MICAL2: variants seen among roughly 807,000 people sequenced by gnomAD.
The protein encoded by MICAL2 is [F-actin]-monooxygenase MICAL2.
Under a neutral mutation model 127.3 loss-of-function variants are expected in MICAL2, and 77 were observed. That is an observed-to-expected ratio of 0.60 (90% CI 0.50 to 0.73). MICAL2 has a LOEUF of 0.73. Ranked by LOEUF, MICAL2 falls within the 30% of genes least tolerant of loss-of-function variation. The pLI, the probability that MICAL2 is intolerant of heterozygous loss-of-function variation, is 0.00. For synonymous variants in MICAL2, 570 were observed against 551.1 expected (o/e 1.03, Z -0.48); for missense variants, 1,351 against 1,434.4 (o/e 0.94, Z 0.94).
chr11:12,264,438 T>G (rs1863521860), downstream of MICAL2, among the ~76,000 whole-genome samples: 1 of 152,150 alleles, frequency 6.6e-6, no homozygotes, highest in Admixed American at 6.5e-5. Context: ...CCCAGGCAAC[T>G]CCAGGCTGTG....
chr11:12,270,641 C>T (rs776473146), intron 24 of MICAL2, among the ~76,000 whole-genome samples: 33 of 152,252 alleles, frequency 2.2e-4, no homozygotes, highest in Non-Finnish European at 4.4e-4. Flanking sequence ...AACTCCCTGG[C>T]TTGGCCCTGT....
At chr11:12,262,177 C>T (rs952179169) in intron 26 of MICAL2, 1 of 1,271,440 alleles carries the variant, frequency 7.9e-7, no homozygotes, top group African/African-American at 1.5e-5. Flanking sequence ...GCCTCTAGGC[C>T]TCCGCAACAT....
intron 15 of MICAL2, among the ~76,000 whole-genome samples, chr11:12,229,591 G>A (rs894064844): frequency 4.6e-5 from 7 of 152,226 alleles, no homozygotes; most frequent in Non-Finnish European, 8.8e-5. Flanking sequence ...GAGGGAACTG[G>A]AGAGGGATGT....
At chr11:12,331,809 C>T (rs1027935324) in intron 32 of MICAL2, among the ~76,000 whole-genome samples, 1 of 152,082 alleles carries the variant, frequency 6.6e-6, no homozygotes, top group Non-Finnish European at 1.5e-5. Context: ...CACAAAAGGG[C>T]CTGAAATAAA....
intron 19 of MICAL2, 52 bp from the exon 20 acceptor site, chr11:12,242,619 C>A: frequency 6.4e-7 from 1 of 1,551,168 alleles, no homozygotes; most frequent in Non-Finnish European, 8.9e-7. Context: ...CCAACTGTCT[C>A]AGTCTCTGTC....
At chr11:12,134,743 A>T (rs1216721713) in intron 1 of MICAL2, among the ~76,000 whole-genome samples, 1 of 152,060 alleles carries the variant, frequency 6.6e-6, no homozygotes, top group African/African-American at 2.4e-5. Flanking sequence ...TCATACCAAC[A>T]CTTTGGGAGG....
chr11:12,224,684 C>A lies in MICAL2; in HGVS notation c.1552C>A (p.Arg518=), dbSNP rs141296256. The A allele has an allele frequency of 1.1e-5, 18 of 1,613,878 alleles. No individual in the cohort carries two copies. The African/African-American group carries it at 2.4e-4, about 22-fold the overall frequency. The change falls in exon 13 of 28, where the codon CGG becomes AGG. Residue 518 remains arginine, a synonymous_variant. Coordinates refer to ENST00000683283, the MANE Select transcript of MICAL2 (RefSeq NM_001282663.2). ...TCTCCTTCTTGCAGAGTCAGATATC[C>A]GGCCCAGCAAGCTCCTGACCTGGTG... The part of the protein sequence containing the change: ...VNLSRKESDI[R]PSKLLTWCQQ...
intron 1 of MICAL2, among the ~76,000 whole-genome samples, chr11:12,113,849 A>G (rs755137161): frequency 6.6e-6 from 1 of 152,108 alleles, no homozygotes; most frequent in Non-Finnish European, 1.5e-5. Context: ...AGGGGGGGCT[A>G]CAGTACTTAC....
chr11:12,181,559 A>T lies in MICAL2; in HGVS notation c.264+19140A>T, dbSNP rs964350006. Among the ~76,000 whole-genome samples the T allele has an allele frequency of 3.3e-5, 5 of 152,236 alleles. No homozygotes were observed. The South Asian group carries it at 1.0e-3, about 31-fold the overall frequency. ...TAACAGCTTACTTTACAGTCTCTTCAATTACAATAATCTGTAAACTTGAAC... is the reference window on the plus strand; with the variant it reads ...TAACAGCTTACTTTACAGTCTCTTCTATTACAATAATCTGTAAACTTGAAC... On this transcript the variant is annotated intron_variant, in intron 3 of 27. Coordinates refer to ENST00000683283, the MANE Select transcript of MICAL2 (RefSeq NM_001282663.2).
rs1174130870 is a variant in MICAL2 at position 12,356,096 on chromosome 11, T to C, written c.5689+1239T>C. The stretch of plus-strand genomic sequence containing the variant: ...TTTAATTTGTTCTGTTTCAGGATAC[T>C]AAATAAATACCACCAAAGACTATTT... On this transcript the variant is annotated intron_variant, in intron 34 of 34. Coordinates refer to the MICAL2 transcript ENST00000646065. Among the ~76,000 whole-genome samples, 3 of 152,358 alleles carry C rather than the reference T, an allele frequency of 2.0e-5. No individual in the cohort carries two copies. The East Asian group carries it at 5.8e-4, about 29-fold the overall frequency.
At position 12,242,665 on chromosome 11, in the gene MICAL2, CT is replaced by C. The variant is rs760772060; in HGVS notation, c.2557-5del. ...TTTTCTTTCTCCTTTCTCACCTTCA[CT>C]GCAGAAGAGGGCTCAGAACTTGGCC... is the stretch of plus-strand genomic sequence containing the variant. On this transcript the variant is annotated splice_polypyrimidine_tract_variant and splice_region_variant and intron_variant, in intron 19 of 27. Coordinates refer to ENST00000683283, the MANE Select transcript of MICAL2 (RefSeq NM_001282663.2). 1 of 1,609,718 alleles carries C rather than the reference CT, an allele frequency of 6.2e-7. No homozygotes were observed. The highest frequency in any genetic ancestry group is 1.1e-5 in the South Asian group (1 of 90,666).
chr11:12,351,503 G>A (rs1939044793), intron 33 of MICAL2, among the ~76,000 whole-genome samples: 1 of 152,168 alleles, frequency 6.6e-6, no homozygotes, highest in African/African-American at 2.4e-5. Context: ...GGCCTAAAAT[G>A]TCAAAAGTGT....
At chr11:12,333,448 A>C (rs2134866004) in intron 32 of MICAL2, among the ~76,000 whole-genome samples, 1 of 152,342 alleles carries the variant, frequency 6.6e-6, no homozygotes, top group East Asian at 1.9e-4. Context: ...GTTAAATAGA[A>C]GCATTTCTTT....
At position 12,349,805 on chromosome 11, in the gene MICAL2, AT is replaced by A. The variant is rs561421310; in HGVS notation, c.5516-32del. ...TTTGATCATGGGGAGAGAAATGCCA[AT>A]CTAACCCATTTGCTGTTGATTTCTT... On this transcript the variant is annotated intron_variant, in intron 32 of 34. Coordinates refer to the MICAL2 transcript ENST00000646065. 2.5e-4 allele frequency: 406 copies of A among 1,603,836 alleles called. 2 individuals carry two copies. In the South Asian group the frequency reaches 4.3e-3, roughly 17 times the overall value.
At position 12,204,426 on chromosome 11, in the gene MICAL2, G is replaced by C. The variant is rs1309190603; in HGVS notation, c.441G>C (p.Gly147=). 4 of 1,614,196 alleles carry C rather than the reference G, an allele frequency of 2.5e-6. No individual in the cohort carries two copies. The highest frequency in any genetic ancestry group is 1.7e-5 in the Admixed American group (1 of 60,032). Residue 147 remains glycine, a synonymous_variant, in exon 4 of 28, where the codon GGG becomes GGC. Transcript: ENST00000683283. ...GCCTGGGAGCCAAGAAGTTCTATGG[G>C]AAGTTCTGTGCTGGCTCCATCGACC... ...LRGLGAKKFY[G]KFCAGSIDHI...
chr11:12,275,779 C>T (rs187100620), upstream of MICAL2, among the ~76,000 whole-genome samples: 5 of 152,310 alleles, frequency 3.3e-5, no homozygotes, highest in East Asian at 1.9e-4. Context: ...TGTGCATTCA[C>T]GCCCTACATG....
chr11:12,221,605 A>G, intron 9 of MICAL2, 39 bp from the exon 10 acceptor site: 2 of 1,435,036 alleles, frequency 1.4e-6, no homozygotes, highest in Non-Finnish European at 2.0e-6. Flanking sequence ...ATCGGGAGTC[A>G]TCAGAATCAA....
chr11:12,290,585 G>T (rs1437975149), downstream of MICAL2, among the ~76,000 whole-genome samples: 1 of 152,182 alleles, frequency 6.6e-6, no homozygotes, highest in East Asian at 1.9e-4. Flanking sequence ...GCCTTTTTAG[G>T]CTTGAACCTT....
At chr11:12,338,828 T>C (rs1938811402) in intron 32 of MICAL2, among the ~76,000 whole-genome samples, 1 of 152,246 alleles carries the variant, frequency 6.6e-6, no homozygotes, top group Non-Finnish European at 1.5e-5. Flanking sequence ...AGATCAGCTG[T>C]TTGTCGGATA....
Sources: allele counts gnomAD v4.1 joint callset (sites outside exome capture counted in the v4.1 genomes callset), GRCh38; gene constraint gnomAD v4.1.1; transcripts MANE v1.5; gene names NCBI Gene and HGNC (gene_info 2026-07-23, HGNC 2026-07-21).